TMEM131L: variants seen among roughly 807,000 people sequenced by gnomAD.
The protein encoded by TMEM131L is transmembrane 131 like, also known as transmembrane protein 131-like.
Under a neutral mutation model 192.2 loss-of-function variants are expected in TMEM131L, and 54 were observed. That is an observed-to-expected ratio of 0.28 (90% CI 0.23 to 0.35). The LOEUF (loss-of-function observed/expected upper bound fraction) is 0.35. TMEM131L is among the 10% of genes least tolerant of loss of function. TMEM131L has a pLI of 1.00. For synonymous variants in TMEM131L, 701 were observed against 704.9 expected (o/e 0.99, Z 0.09); for missense variants, 1,888 against 1,972.9 (o/e 0.96, Z 0.82).
At chr4:153,507,969 C>T (rs530506152) in intron 3 of TMEM131L, among the ~76,000 whole-genome samples, 12 of 152,118 alleles carry the variant, frequency 7.9e-5, no homozygotes, top group African/African-American at 2.7e-4. Context: ...TGACACATTT[C>T]GTGGGTGAGT....
rs1365346104 is a variant in TMEM131L, at chr4:153,584,718, A to G, written c.1061-117A>G. ...AGTTACCTTTTATGTCTGATTCACT[A>G]TTTTAATGGAGACAGAAAAGTGAAT... On this transcript the variant is annotated intron_variant, in intron 11 of 34. Coordinates refer to ENST00000409959, the MANE Select transcript of TMEM131L (RefSeq NM_001131007.2). 5 of 606,960 alleles carry G rather than the reference A, an allele frequency of 8.2e-6. No homozygotes were observed. The East Asian group carries it at 1.2e-4, about 14-fold the overall frequency. 37.6% of individuals were successfully genotyped at this position (606,960 alleles called of 1,614,324 possible). A position where few individuals can be genotyped will look rare whatever the true frequency, so the allele number is the denominator to read the frequency against.
intron 3 of TMEM131L, among the ~76,000 whole-genome samples, chr4:153,497,404 G>A (rs540475351): frequency 6.6e-5 from 10 of 152,152 alleles, no homozygotes; most frequent in African/African-American, 2.2e-4. Context: ...TAGGCCTCAT[G>A]CTGCTTGAAG....
chr4:153,492,059 T>C (rs1732828090), intron 3 of TMEM131L, among the ~76,000 whole-genome samples: 1 of 151,878 alleles, frequency 6.6e-6, no homozygotes, highest in African/African-American at 2.4e-5. Context: ...GGAGTGTAGG[T>C]AGCATGATCA....
At chr4:153,601,107 CAA>C (rs397879528) in intron 21 of TMEM131L, among the ~76,000 whole-genome samples, 15 of 103,052 alleles carry the variant, frequency 1.5e-4, no homozygotes, top group Admixed American at 4.0e-4. Flanking sequence ...AAGACTGTCT[CAA>C]AAAAAAAAAA....
At chr4:153,622,496 C>T (rs1028741935) in intron 28 of TMEM131L, among the ~76,000 whole-genome samples, 2 of 152,208 alleles carry the variant, frequency 1.3e-5, no homozygotes, top group African/African-American at 4.8e-5. Flanking sequence ...ACTGAAGAGT[C>T]TTCCCATTCA....
intron 3 of TMEM131L, among the ~76,000 whole-genome samples, chr4:153,513,768 A>G (rs558004663): frequency 5.4e-4 from 82 of 152,174 alleles, no homozygotes; most frequent in African/African-American, 1.9e-3. Flanking sequence ...GCCTTGTGTA[A>G]ATTAATGTGG....
intron 3 of TMEM131L, among the ~76,000 whole-genome samples, chr4:153,506,675 C>G (rs957693545): frequency 2.0e-5 from 3 of 151,856 alleles, no homozygotes; most frequent in Non-Finnish European, 2.9e-5. Flanking sequence ...AACCTCATCT[C>G]TACTAAAAAT....
At chr4:153,480,583 T>A (rs1003450460) in intron 3 of TMEM131L, among the ~76,000 whole-genome samples, 9 of 152,082 alleles carry the variant, frequency 5.9e-5, no homozygotes, top group African/African-American at 2.2e-4. Context: ...TCACATTTTT[T>A]AACCTGAAGT....
intron 3 of TMEM131L, among the ~76,000 whole-genome samples, chr4:153,545,768 G>A (rs1737127954): frequency 6.6e-6 from 1 of 152,192 alleles, no homozygotes; most frequent in South Asian, 2.1e-4. Flanking sequence ...AGAAAGCTCA[G>A]CTCTTTGCAG....
At position 153,602,148 on chromosome 4, in the gene TMEM131L, T is replaced by C. The variant is rs1201895107; in HGVS notation, c.2267-4T>C. 1.9e-6 allele frequency: 3 copies of C among 1,539,770 alleles called. No individual in the cohort carries two copies. The highest frequency in any genetic ancestry group is 2.8e-5 in the African/African-American group (2 of 72,428). ...ACTAAATATCTTTTTTTGGTTCCCA[T>C]TAGAACTGAAAGACAGTAAGCAAAT... On this transcript the variant is annotated splice_polypyrimidine_tract_variant and splice_region_variant and intron_variant, in intron 21 of 34. Coordinates refer to ENST00000409959, the MANE Select transcript of TMEM131L (RefSeq NM_001131007.2).
At chr4:153,562,749 A>T (rs1210951561) in intron 7 of TMEM131L, among the ~76,000 whole-genome samples, 1 of 152,236 alleles carries the variant, frequency 6.6e-6, no homozygotes, top group Admixed American at 6.5e-5. Context: ...AGACAGAAAT[A>T]TGTCATCAGC....
chr4:153,493,926 T>C (rs1732978012), intron 3 of TMEM131L, among the ~76,000 whole-genome samples: 1 of 152,226 alleles, frequency 6.6e-6, no homozygotes, highest in Non-Finnish European at 1.5e-5. Flanking sequence ...TGGTGGCTGC[T>C]GTGTAACAGT....
intron 3 of TMEM131L, among the ~76,000 whole-genome samples, chr4:153,534,285 G>T (rs546668678): frequency 3.3e-5 from 5 of 152,290 alleles, no homozygotes; most frequent in Admixed American, 1.3e-4. Flanking sequence ...ATGTTATAAG[G>T]TGATATGTGG....
intron 3 of TMEM131L, among the ~76,000 whole-genome samples, chr4:153,537,258 G>A (rs1035402865): frequency 6.6e-6 from 1 of 152,182 alleles, no homozygotes; most frequent in Non-Finnish European, 1.5e-5. Flanking sequence ...CACCTTTGTA[G>A]ATTGTTCCTG....
chr4:153,568,330 C>T (rs79317893), intron 7 of TMEM131L, among the ~76,000 whole-genome samples: 2,465 of 152,252 alleles, frequency 0.016, 30 homozygotes, highest in African/African-American at 0.033. Flanking sequence ...CTTCACGCTC[C>T]GTCTTCCTCC....
chr4:153,573,082 A>G (rs572953989), intron 7 of TMEM131L, among the ~76,000 whole-genome samples: 6 of 152,202 alleles, frequency 3.9e-5, no homozygotes, highest in Non-Finnish European at 8.8e-5. Flanking sequence ...TTGCACATAT[A>G]TATCATGTTT....
At chr4:153,499,634 C>T (rs1045876506) in intron 3 of TMEM131L, among the ~76,000 whole-genome samples, 2 of 152,134 alleles carry the variant, frequency 1.3e-5, no homozygotes, top group Non-Finnish European at 2.9e-5. Flanking sequence ...ACCATGTTGG[C>T]CAGGATGGTC....
intron 3 of TMEM131L, among the ~76,000 whole-genome samples, chr4:153,542,349 C>T (rs776798001): frequency 1.3e-5 from 2 of 152,050 alleles, no homozygotes; most frequent in African/African-American, 2.4e-5. Context: ...CAAGTCAGCT[C>T]GGTACTTGAT....
chr4:153,627,988 T>C (rs1217563538), intron 31 of TMEM131L, among the ~76,000 whole-genome samples: 1 of 152,204 alleles, frequency 6.6e-6, no homozygotes, highest in African/African-American at 2.4e-5. Flanking sequence ...TTCATTTAGT[T>C]CACCTTCCCT....
Sources: allele counts gnomAD v4.1 joint callset (sites outside exome capture counted in the v4.1 genomes callset), GRCh38; gene constraint gnomAD v4.1.1; transcripts MANE v1.5; gene names NCBI Gene and HGNC (gene_info 2026-07-23, HGNC 2026-07-21).